Variants in USP31 observed in about 807,000 individuals in gnomAD.
The protein encoded by USP31 is ubiquitin carboxyl-terminal hydrolase 31.
USP31 carries 44 observed loss-of-function variants against 119.4 expected under a neutral mutation model. That is an observed-to-expected ratio of 0.37 (90% CI 0.29 to 0.47). The LOEUF (loss-of-function observed/expected upper bound fraction) is 0.47, where lower values mean the gene tolerates loss of function less well. Among genes scored for constraint, USP31 ranks in the 20% least tolerant of loss-of-function variants. The probability of loss-of-function intolerance (pLI) is 0.99; values close to 1 mark genes in which losing one functional copy is unlikely to be tolerated. For synonymous variants in USP31, 749 were observed against 705.6 expected, an observed-to-expected ratio of 1.06 and a Z score of -0.97; for missense variants, 1,643 against 1,730.2, an observed-to-expected ratio of 0.95 and a Z score of 0.89.
chr16:23,129,664 A>C (rs760869715), intron 1 of USP31, among the ~76,000 whole-genome samples: 28 of 152,322 alleles, frequency 1.8e-4, no homozygotes, highest in Middle Eastern at 6.8e-3. Context: ...TGAAATGTTC[A>C]CAAAGAAAGG....
At chr16:23,130,148 A>G (rs1176098969) in intron 1 of USP31, among the ~76,000 whole-genome samples, 2 of 152,340 alleles carry the variant, frequency 1.3e-5, no homozygotes, top group South Asian at 2.1e-4. Flanking sequence ...AGGGGGGAAG[A>G]TAAGATTTCA....
chr16:23,086,002 C>G (rs1243086814), intron 9 of USP31, among the ~76,000 whole-genome samples: 6 of 152,148 alleles, frequency 3.9e-5, no homozygotes, highest in African/African-American at 1.2e-4. Flanking sequence ...CCCACCCAAA[C>G]AGACACTGGA....
At chr16:23,104,210 C>T (rs998690538) in intron 5 of USP31, among the ~76,000 whole-genome samples, 2 of 152,182 alleles carry the variant, frequency 1.3e-5, no homozygotes, top group African/African-American at 4.8e-5. Flanking sequence ...TAAAAGGGGT[C>T]GGTGGTATAT....
At chr16:23,131,034 G>A (rs966979272) in intron 1 of USP31, among the ~76,000 whole-genome samples, 12 of 152,178 alleles carry the variant, frequency 7.9e-5, no homozygotes, top group African/African-American at 2.7e-4. Context: ...ATTCAGCTGG[G>A]CGCTGTGGCT....
At chr16:23,138,364 T>C (rs1294192722) in intron 1 of USP31, among the ~76,000 whole-genome samples, 1 of 152,234 alleles carries the variant, frequency 6.6e-6, no homozygotes, top group Non-Finnish European at 1.5e-5. Flanking sequence ...GTTTCCCAAA[T>C]GTAACCAGTT....
chr16:23,101,247 T>C (rs1296670082), intron 6 of USP31, among the ~76,000 whole-genome samples: 1 of 152,172 alleles, frequency 6.6e-6, no homozygotes, highest in Non-Finnish European at 1.5e-5. Flanking sequence ...ATGCAGTGTG[T>C]GTCAACAGCT....
chr16:23,070,745 C>T (rs1003518462), intron 15 of USP31, among the ~76,000 whole-genome samples: 5 of 151,866 alleles, frequency 3.3e-5, no homozygotes, highest in Non-Finnish European at 5.9e-5. Flanking sequence ...ATCAGAACCA[C>T]ATACTCCTAT....
At chr16:23,091,121 G>A (rs938054365) in intron 6 of USP31, among the ~76,000 whole-genome samples, 2 of 152,084 alleles carry the variant, frequency 1.3e-5, no homozygotes, top group East Asian at 3.9e-4. Flanking sequence ...AATTTAGTGA[G>A]GTCATGCAAC....
intron 8 of USP31, 131 bp downstream of exon 8, chr16:23,087,593 C>T: frequency 1.2e-6 from 1 of 819,642 alleles, no homozygotes; most frequent in Non-Finnish European, 1.9e-6. Flanking sequence ...GTGGCTAGCT[C>T]TTTCATAAAA....
chr16:23,147,723 T>C (rs1044040533), intron 1 of USP31, among the ~76,000 whole-genome samples: 1 of 151,658 alleles, frequency 6.6e-6, no homozygotes, highest in African/African-American at 2.4e-5. Context: ...AGGACAAGAG[T>C]TCAAGACCAG....
intron 1 of USP31, among the ~76,000 whole-genome samples, chr16:23,125,823 A>G (rs983331510): frequency 1.3e-5 from 2 of 152,212 alleles, no homozygotes; most frequent in Non-Finnish European, 2.9e-5. Context: ...AGTTCTTACT[A>G]TTATTCTTCT....
At chr16:23,099,080 A>C (rs1188919234) in intron 6 of USP31, among the ~76,000 whole-genome samples, 1 of 152,242 alleles carries the variant, frequency 6.6e-6, no homozygotes, top group African/African-American at 2.4e-5. Context: ...CCATCTGACA[A>C]AGGGCTAATA....
At chr16:23,138,641 T>G (rs1903262360) in intron 1 of USP31, among the ~76,000 whole-genome samples, 1 of 152,190 alleles carries the variant, frequency 6.6e-6, no homozygotes, top group African/African-American at 2.4e-5. Flanking sequence ...CCATTCTACC[T>G]TGTACCTTGT....
chr16:23,071,769 T>C (rs1900357657), intron 15 of USP31, among the ~76,000 whole-genome samples: 1 of 148,032 alleles, frequency 6.8e-6, no homozygotes, highest in Non-Finnish European at 1.5e-5. Flanking sequence ...AAAGTATACA[T>C]TGGTATATAA....
intron 15 of USP31, among the ~76,000 whole-genome samples, chr16:23,069,827 C>G (rs1488017260): frequency 6.6e-6 from 1 of 152,174 alleles, no homozygotes; most frequent in Non-Finnish European, 1.5e-5. Flanking sequence ...CATTCTAACT[C>G]AGGATCATTC....
Position 23,065,838 on chromosome 16 carries a change from T to G in USP31, c.*2208A>C, listed in dbSNP as rs892670665. On this transcript the variant is annotated 3_prime_UTR_variant, in exon 16 of 16. Transcript: ENST00000219689. ...CAAAAAAGAAGTGTTATTAAAAACC[T>G]TTGTCTAATCAAACTATAATTGTTT... is the stretch of plus-strand genomic sequence containing the variant. The G allele has an allele frequency of 3.9e-5, 6 of 152,240 alleles. No individual in the cohort carries two copies. The highest frequency in any genetic ancestry group is 7.3e-5 in the Non-Finnish European group (5 of 68,042). The allele number at this position is 152,240 out of a possible 1,614,324, so 9.4% of individuals were successfully genotyped here. A position where few individuals can be genotyped will look rare whatever the true frequency, so the allele number is the denominator to read the frequency against.
intron 12 of USP31, 30 bp downstream of exon 12, chr16:23,082,408 T>C (rs1185837825): frequency 6.2e-6 from 10 of 1,611,526 alleles, no homozygotes; most frequent in Non-Finnish European, 8.5e-6. Context: ...TCACAACTTG[T>C]TTGTTCCTGA....
chr16:23,083,657 T>TTCAAAG (rs1555464940), intron 11 of USP31, among the ~76,000 whole-genome samples: 1 of 102,368 alleles, frequency 9.8e-6, no homozygotes, highest in African/African-American at 4.1e-5. Flanking sequence ...GTCAACCAAT[T>TTCAAAG]CCAAAGCCAA....
chr16:23,118,085 G>A (rs540150761), intron 1 of USP31, among the ~76,000 whole-genome samples: 4 of 152,134 alleles, frequency 2.6e-5, no homozygotes, highest in East Asian at 1.9e-4. Flanking sequence ...CACTGCACCC[G>A]AACTTTCTAC....
Sources: allele counts gnomAD v4.1 joint callset (sites outside exome capture counted in the v4.1 genomes callset), GRCh38; gene constraint gnomAD v4.1.1; transcripts MANE v1.5; gene names NCBI Gene and HGNC (gene_info 2026-07-23, HGNC 2026-07-21).